The following ITGA8 variants were observed in gnomAD, a reference collection of about 807,000 sequenced individuals.
ITGA8 encodes the protein integrin alpha-8.
ITGA8 carries 91 observed loss-of-function variants against 142.3 expected under a neutral mutation model. The ratio of observed to expected loss-of-function variants is 0.64; its 90% CI spans 0.54 to 0.76. The LOEUF is 0.76. Among genes scored for constraint, ITGA8 ranks in the 30% least tolerant of loss-of-function variants. ITGA8 has a pLI of 0.00. For synonymous variants in ITGA8, 505 were observed against 485.2 expected (o/e 1.04, Z -0.54); for missense variants, 1,406 against 1,327.7 (o/e 1.06, Z -0.92).
In ITGA8 at chr10:15,544,728, C is replaced by T. The variant is rs543677778; in HGVS notation, c.2880+3727G>A. 6.6e-5 allele frequency among the ~76,000 whole-genome samples: 10 copies of T among 152,256 alleles called. No individual in the cohort carries two copies. In the South Asian group the frequency reaches 1.5e-3, roughly 22 times the overall value. ...TATTCACACCCTTGTGTGGGTGCCTCGCCTACTGAATGAATATGACTGATA... is the reference window on the plus strand; with the variant it reads ...TATTCACACCCTTGTGTGGGTGCCTTGCCTACTGAATGAATATGACTGATA... On this transcript the variant is annotated intron_variant, in intron 27 of 29. Coordinates refer to ENST00000378076, the MANE Select transcript of ITGA8 (RefSeq NM_003638.3).
At chr10:15,644,331 G>A (rs938135684) in intron 12 of ITGA8, 110 bp from the exon 13 acceptor site, 1 of 1,011,500 alleles carries the variant, frequency 9.9e-7, no homozygotes, top group Admixed American at 2.5e-5. Context: ...GCAGTGGTGG[G>A]ATCATGGCTC....
At chr10:15,653,405 A>G (rs1834125558) in intron 11 of ITGA8, among the ~76,000 whole-genome samples, 1 of 152,220 alleles carries the variant, frequency 6.6e-6, no homozygotes, top group East Asian at 1.9e-4. Flanking sequence ...CAGAAAGTAC[A>G]GAGTTCTCCC....
At chr10:15,594,848 T>C (rs1832987088) in intron 21 of ITGA8, among the ~76,000 whole-genome samples, 1 of 152,176 alleles carries the variant, frequency 6.6e-6, no homozygotes, top group Admixed American at 6.6e-5. Context: ...TTTCCAGTGA[T>C]AGAAACCTTA....
chr10:15,548,026 A>T (rs2131557295), intron 27 of ITGA8, among the ~76,000 whole-genome samples: 1 of 151,846 alleles, frequency 6.6e-6, no homozygotes, highest in African/African-American at 2.4e-5. Context: ...ATTTGAAGTA[A>T]TTTTTTAAAT....
chr10:15,588,465 G>A (rs900814402), intron 22 of ITGA8, among the ~76,000 whole-genome samples: 1 of 152,168 alleles, frequency 6.6e-6, no homozygotes, highest in Non-Finnish European at 1.5e-5. Context: ...ACAAATGTGT[G>A]TGTGTGTTTT....
chr10:15,565,383 GT>G (rs780510216), intron 25 of ITGA8, among the ~76,000 whole-genome samples: 1 of 151,796 alleles, frequency 6.6e-6, no homozygotes, highest in East Asian at 1.9e-4. Flanking sequence ...GTTTTGTTCT[GT>G]TTTTTTCTGG....
chr10:15,665,378 A>C (rs1360276520), intron 8 of ITGA8, among the ~76,000 whole-genome samples: 1 of 151,706 alleles, frequency 6.6e-6, no homozygotes, highest in Non-Finnish European at 1.5e-5. Context: ...TTTTTTTCTC[A>C]TAAATTTGTT....
intron 26 of ITGA8, among the ~76,000 whole-genome samples, chr10:15,554,934 C>G (rs1833862020): frequency 6.6e-6 from 1 of 152,022 alleles, no homozygotes; most frequent in Non-Finnish European, 1.5e-5. Flanking sequence ...CTTTCTTAAA[C>G]TTTAATTTTT....
chr10:15,519,047 A>G (rs1486393291), intron 29 of ITGA8, among the ~76,000 whole-genome samples: 1 of 152,208 alleles, frequency 6.6e-6, no homozygotes. Context: ...CTCTACATTT[A>G]TTTACAAGAA....
At position 15,517,042 on chromosome 10, in the gene ITGA8, C is replaced by CGTAT; in HGVS notation, c.*115_*116insATAC. On this transcript the variant is annotated 3_prime_UTR_variant, in exon 30 of 30. Transcript: ENST00000378076. ...TGAGGTGATGTTTCCAGGGTCCCCTCCATTTCCTGGGTCACTGTCAGGTAT... is the reference window on the plus strand; with the variant it reads ...TGAGGTGATGTTTCCAGGGTCCCCTCGTATCATTTCCTGGGTCACTGTCAGGTAT... 3.5e-6 allele frequency: 2 copies of CGTAT among 564,238 alleles called. No individual in the cohort carries two copies. The highest frequency in any genetic ancestry group is 3.3e-5 in the South Asian group (1 of 30,554). The allele number at this position is 564,238 out of a possible 1,614,324, so 35.0% of individuals were successfully genotyped here. A position where few individuals can be genotyped will look rare whatever the true frequency, so the allele number is the denominator to read the frequency against.
rs1398493445 is a variant in ITGA8, at chr10:15,657,957, G to A, written c.948+1042C>T. Reference sequence around the variant, plus strand: ...TAGTTTATGATCATCATAAGCACACGTATTCGCATGCATCTCAAATTATAG... The same window carrying A: ...TAGTTTATGATCATCATAAGCACACATATTCGCATGCATCTCAAATTATAG... On this transcript the variant is annotated intron_variant, in intron 10 of 29. Coordinates refer to ENST00000378076, the MANE Select transcript of ITGA8 (RefSeq NM_003638.3). 7.9e-5 allele frequency among the ~76,000 whole-genome samples: 12 copies of A among 152,208 alleles called. No individual in the cohort carries two copies. The East Asian group carries it at 2.3e-3, about 29-fold the overall frequency.
At position 15,563,927 on chromosome 10, in the gene ITGA8, A is replaced by C. The variant is rs77594204; in HGVS notation, c.2638-5725T>G. The stretch of plus-strand genomic sequence containing the variant: ...AGAGTGAGGCTGTCTCCAAAAAAAA[A>C]AAAAACAAAAACCAATACCCCAAAG... On this transcript the variant is annotated intron_variant, in intron 25 of 29. Transcript: ENST00000378076. 2.9e-3 allele frequency among the ~76,000 whole-genome samples: 433 copies of C among 151,530 alleles called. 3 individuals are homozygous for C. Among genetic ancestry groups the C allele is most frequent in the African/African-American group, 0.01 (418 of 41,290 alleles).
intron 2 of ITGA8, among the ~76,000 whole-genome samples, chr10:15,697,741 A>C (rs1217191987): frequency 6.6e-6 from 1 of 152,188 alleles, no homozygotes; most frequent in Non-Finnish European, 1.5e-5. Flanking sequence ...ATTATTCTTT[A>C]AAAACATATA....
chr10:15,544,365 G>A lies in ITGA8; in HGVS notation c.2880+4090C>T, dbSNP rs1378703358. 2.0e-5 allele frequency among the ~76,000 whole-genome samples: 3 copies of A among 152,122 alleles called. No individual in the cohort carries two copies. The East Asian group carries it at 5.8e-4, about 29-fold the overall frequency. ...AAAACCCCATAAAAACAAATAACTTGAAGGGAGGCAGGGGGTAGTTTATTC... is the reference window on the plus strand; with the variant it reads ...AAAACCCCATAAAAACAAATAACTTAAAGGGAGGCAGGGGGTAGTTTATTC... On this transcript the variant is annotated intron_variant, in intron 27 of 29. Coordinates refer to ENST00000378076, the MANE Select transcript of ITGA8 (RefSeq NM_003638.3).
intron 3 of ITGA8, among the ~76,000 whole-genome samples, chr10:15,685,212 G>C (rs752733824): frequency 6.6e-6 from 1 of 152,168 alleles, no homozygotes; most frequent in Admixed American, 6.5e-5. Flanking sequence ...GAAATTTATC[G>C]AGATAAACTC....
At chr10:15,656,661 C>T (rs970845510) in intron 10 of ITGA8, among the ~76,000 whole-genome samples, 2 of 152,042 alleles carry the variant, frequency 1.3e-5, no homozygotes, top group African/African-American at 4.8e-5. Flanking sequence ...CCGCACCTGG[C>T]CTCTCCCCAT....
At chr10:15,649,932 A>G (rs1564391807) in intron 11 of ITGA8, among the ~76,000 whole-genome samples, 1 of 152,226 alleles carries the variant, frequency 6.6e-6, no homozygotes, top group Non-Finnish European at 1.5e-5. Flanking sequence ...TCACAAAATT[A>G]CACTCCTTGG....
chr10:15,673,667 A>C (rs1172152801), intron 6 of ITGA8, among the ~76,000 whole-genome samples: 1 of 152,244 alleles, frequency 6.6e-6, no homozygotes, highest in African/African-American at 2.4e-5. Context: ...TAAATGAAGG[A>C]ATTGTAAACT....
intron 13 of ITGA8, among the ~76,000 whole-genome samples, chr10:15,638,558 T>G (rs1264380314): frequency 6.6e-6 from 1 of 152,130 alleles, no homozygotes; most frequent in Non-Finnish European, 1.5e-5. Context: ...GAGAAAGCGT[T>G]TATCTCAAGA....
Sources: allele counts gnomAD v4.1 joint callset (sites outside exome capture counted in the v4.1 genomes callset), GRCh38; gene constraint gnomAD v4.1.1; transcripts MANE v1.5; gene names NCBI Gene and HGNC (gene_info 2026-07-23, HGNC 2026-07-21).